The following ACOT11 variants were observed in gnomAD, a reference collection of about 807,000 sequenced individuals.
ACOT11 encodes the protein acyl-coenzyme A thioesterase 11.
ACOT11 carries 69 observed loss-of-function variants against 77.5 expected under a neutral mutation model. That is an observed-to-expected ratio of 0.89 (90% CI 0.73 to 1.09). The LOEUF (loss-of-function observed/expected upper bound fraction) is 1.09. Among genes scored for constraint, ACOT11 ranks in the 50% least tolerant of loss-of-function variants. ACOT11 has a pLI of 0.00. For synonymous variants in ACOT11, 279 were observed against 313.0 expected (o/e 0.89, Z 1.15); for missense variants, 766 against 813.7 (o/e 0.94, Z 0.71).
At chr1:54,604,222 G>A (rs41313244) in intron 11 of ACOT11, 124 bp from the exon 12 acceptor site, 18,547 of 858,020 alleles carry the variant, frequency 0.022, 290 homozygotes, top group East Asian at 0.053. Flanking sequence ...AGCACCTGCC[G>A]CACCACCCAC....
chr1:54,623,051 C>T (rs1490491936), intron 15 of ACOT11, among the ~76,000 whole-genome samples: 1 of 151,978 alleles, frequency 6.6e-6, no homozygotes, highest in African/African-American at 2.4e-5. Flanking sequence ...TGGCGGGTGC[C>T]TGTAATCCCA....
intron 3 of ACOT11, among the ~76,000 whole-genome samples, chr1:54,587,587 C>A (rs191968367): frequency 4.1e-5 from 4 of 96,648 alleles, no homozygotes; most frequent in South Asian, 4.0e-4. Flanking sequence ...GAGACAGAGT[C>A]TTGCTCTGTC....
rs143396984 is a variant in ACOT11, at chr1:54,582,501, G to C, written c.34-2154G>C. ...CAAATGAACCAGTGAGCAAGGCACA[G>C]GTCCTGGCTCCCGTGGCATAGGGTC... On this transcript the variant is annotated intron_variant, in intron 1 of 15. Transcript: ENST00000343744. The C allele has an allele frequency of 1.6e-3, 1,621 of 985,394 alleles. 16 individuals carry two copies. In the African/African-American group the frequency reaches 0.024, roughly 14 times the overall value. The allele number at this position is 985,394 out of a possible 1,614,324, so 61.0% of individuals were successfully genotyped here.
Position 54,548,352 on chromosome 1 carries a change from GT to G in ACOT11, c.33+11del. On this transcript the variant is annotated intron_variant, in intron 1 of 15. Transcript: ENST00000343744. ...AAATCACCTGCGACGGGTATGGAGGGTGGGCTGGGGCAGCGGGAGGGCTCTG... is the reference window on the plus strand; with the variant it reads ...AAATCACCTGCGACGGGTATGGAGGGGGGCTGGGGCAGCGGGAGGGCTCTG... The G allele has an allele frequency of 6.2e-7, 1 of 1,600,780 alleles. No individual in the cohort carries two copies. Among genetic ancestry groups the G allele is most frequent in the Non-Finnish European group, 8.5e-7 (1 of 1,174,060 alleles).
At chr1:54,553,249 C>T (rs1390065745) in intron 1 of ACOT11, among the ~76,000 whole-genome samples, 1 of 151,412 alleles carries the variant, frequency 6.6e-6, no homozygotes, top group Non-Finnish European at 1.5e-5. Context: ...GGCATGGTGG[C>T]TCATACCTAT....
chr1:54,604,944 G>C, intron 12 of ACOT11, 132 bp from the exon 13 acceptor site: 2 of 941,742 alleles, frequency 2.1e-6, no homozygotes, highest in South Asian at 3.3e-5. Flanking sequence ...CTGAGACTCA[G>C]AGAGGTTGAG....
chr1:54,548,928 C>G (rs545086779), intron 1 of ACOT11, among the ~76,000 whole-genome samples: 1 of 152,262 alleles, frequency 6.6e-6, no homozygotes, highest in Non-Finnish European at 1.5e-5. Context: ...TGCTGAGGCA[C>G]ACGGCAGACC....
At chr1:54,583,558 T>C (rs149654337) in intron 1 of ACOT11, among the ~76,000 whole-genome samples, 1 of 152,132 alleles carries the variant, frequency 6.6e-6, no homozygotes, top group Non-Finnish European at 1.5e-5. Context: ...CTGCAAGCAG[T>C]GTAGTGTCGG....
intron 8 of ACOT11, among the ~76,000 whole-genome samples, chr1:54,600,115 C>G (rs1260918618): frequency 1.3e-5 from 2 of 152,150 alleles, no homozygotes; most frequent in African/African-American, 4.8e-5. Context: ...GAGAAAATGT[C>G]CGGTAAAGGT....
At chr1:54,593,856 C>A in intron 4 of ACOT11, 85 bp from the exon 5 acceptor site, 1 of 1,180,626 alleles carries the variant, frequency 8.5e-7, no homozygotes, top group Non-Finnish European at 1.2e-6. Context: ...TGGGCTGGGA[C>A]TTGCTGTCTG....
intron 15 of ACOT11, chr1:54,616,086 G>T (rs758503125): frequency 6.2e-7 from 1 of 1,614,188 alleles, no homozygotes; most frequent in Non-Finnish European, 8.5e-7. Flanking sequence ...TAGATAGTGG[G>T]GGGGTGTGCC....
At chr1:54,577,049 G>A (rs767805128) in intron 1 of ACOT11, among the ~76,000 whole-genome samples, 48 of 151,882 alleles carry the variant, frequency 3.2e-4, no homozygotes, top group Non-Finnish European at 5.9e-4. Flanking sequence ...AAATATAGCT[G>A]GCATTTCACA....
Position 54,548,287 on chromosome 1 carries a change from G to A in ACOT11, c.-23G>A. ...CAGCTTGTGTCTCTGGGAGGGCGCT[G>A]CTTTCCCCGGCCACCCGGCGCGATG... On this transcript the variant is annotated 5_prime_UTR_variant, in exon 1 of 16. Coordinates refer to ENST00000343744, the MANE Select transcript of ACOT11 (RefSeq NM_147161.4). 1 of 1,588,058 alleles carries A rather than the reference G, an allele frequency of 6.3e-7. No individual in the cohort carries two copies. Among genetic ancestry groups the A allele is most frequent in the Non-Finnish European group, 8.6e-7 (1 of 1,167,538 alleles).
intron 1 of ACOT11, among the ~76,000 whole-genome samples, chr1:54,559,479 G>A (rs1653391696): frequency 6.6e-6 from 1 of 152,214 alleles, no homozygotes; most frequent in African/African-American, 2.4e-5. Flanking sequence ...GTGGGCATCA[G>A]TTTCCTAATA....
chr1:54,555,968 G>A (rs1423812257), intron 1 of ACOT11, among the ~76,000 whole-genome samples: 2 of 152,020 alleles, frequency 1.3e-5, no homozygotes, highest in Non-Finnish European at 2.9e-5. Flanking sequence ...GCTTAGTCTC[G>A]AACTCCTGAC....
intron 1 of ACOT11, among the ~76,000 whole-genome samples, chr1:54,562,447 AT>A (rs1332579983): frequency 3.6e-4 from 25 of 69,248 alleles, no homozygotes; most frequent in African/African-American, 7.0e-4. Context: ...CGGGGGGCTG[AT>A]CCCCCCACCT....
chr1:54,611,629 A>G, downstream of ACOT11: 1 of 1,613,958 alleles, frequency 6.2e-7, no homozygotes, highest in Non-Finnish European at 8.5e-7. Flanking sequence ...GAACTGTGAC[A>G]GGAGAGGCTC....
At chr1:54,574,882 T>G (rs1435618187) in intron 1 of ACOT11, among the ~76,000 whole-genome samples, 1 of 152,248 alleles carries the variant, frequency 6.6e-6, no homozygotes, top group East Asian at 1.9e-4. Context: ...TGACACCGCT[T>G]CCTCACACGT....
chr1:54,617,859 G>A (rs918440452), intron 15 of ACOT11, among the ~76,000 whole-genome samples: 14 of 151,756 alleles, frequency 9.2e-5, no homozygotes, highest in African/African-American at 2.7e-4. Context: ...GAGTAGCTGG[G>A]ACTACAGGTA....
Sources: gnomAD v4.1 joint callset for allele counts (sites outside exome capture counted in the v4.1 genomes callset) on GRCh38, gnomAD v4.1.1 for gene constraint, MANE v1.5 for transcripts, NCBI Gene and HGNC (gene_info 2026-07-23, HGNC 2026-07-21) for gene names.